Variants in CUBN observed in about 807,000 individuals in gnomAD.
The protein encoded by CUBN is cubilin.
In CUBN, 282 loss-of-function variants were observed where a neutral mutation model predicts 405.3. The observed-to-expected ratio is 0.70, with a 90% CI of 0.63 to 0.77. The LOEUF is 0.77. Ranked by LOEUF, CUBN falls within the 30% of genes least tolerant of loss-of-function variation. The pLI is 0.00. For missense variants in CUBN, 4,514 were observed against 4,475.2 expected, an observed-to-expected ratio of 1.01 and a Z score of -0.25; for synonymous variants, 1,684 against 1,617.0, an observed-to-expected ratio of 1.04 and a Z score of -0.99.
intron 31 of CUBN, among the ~76,000 whole-genome samples, chr10:16,955,582 G>C (rs7919493): frequency 2.0e-5 from 3 of 151,696 alleles, no homozygotes; most frequent in African/African-American, 7.3e-5. Flanking sequence ...CTCAGTGTCT[G>C]GATGAATTTT....
intron 39 of CUBN, among the ~76,000 whole-genome samples, chr10:16,934,039 G>A (rs1199800719): frequency 6.6e-6 from 1 of 152,162 alleles, no homozygotes; most frequent in Non-Finnish European, 1.5e-5. Context: ...CAATGCTGAG[G>A]AGATGCGCTG....
intron 60 of CUBN, among the ~76,000 whole-genome samples, chr10:16,849,436 T>A (rs1010504643): frequency 1.3e-5 from 2 of 152,154 alleles, no homozygotes; most frequent in African/African-American, 4.8e-5. Context: ...CTGTGTCCTC[T>A]CTATTCGTGG....
In CUBN at chr10:17,060,645, G is replaced by A. The variant is rs558984697; in HGVS notation, c.3139+4863C>T. On this transcript the variant is annotated intron_variant, in intron 22 of 66. Coordinates refer to ENST00000377833, the MANE Select transcript of CUBN (RefSeq NM_001081.4). ...AAAGTAAATCTTTAAAAGACGAATC[G>A]ACTTACTACAACACCTTTTCCAGAG... Among the ~76,000 whole-genome samples, 6 of 152,264 alleles carry A rather than the reference G, an allele frequency of 3.9e-5. No homozygotes were observed. The South Asian group carries it at 1.0e-3, about 26-fold the overall frequency.
chr10:16,904,152 C>G (rs1306967072), intron 50 of CUBN, 37 bp from the exon 51 acceptor site: 1 of 1,599,982 alleles, frequency 6.3e-7, no homozygotes, highest in Non-Finnish European at 8.6e-7. Flanking sequence ...ATCATTGATA[C>G]AGCTTTTGAG....
At chr10:16,832,871 T>A (rs1282972118) in intron 64 of CUBN, among the ~76,000 whole-genome samples, 1 of 152,174 alleles carries the variant, frequency 6.6e-6, no homozygotes. Flanking sequence ...AAGAACGGAA[T>A]GCTGAGGCTT....
intron 59 of CUBN, among the ~76,000 whole-genome samples, chr10:16,855,802 A>T (rs1839853883): frequency 6.6e-6 from 1 of 152,214 alleles, no homozygotes; most frequent in South Asian, 2.1e-4. Context: ...ATCATGAGAT[A>T]ATCCTGGCCA....
At chr10:16,913,104 C>G (rs1347006920) in intron 48 of CUBN, among the ~76,000 whole-genome samples, 1 of 151,970 alleles carries the variant, frequency 6.6e-6, no homozygotes, top group East Asian at 1.9e-4. Flanking sequence ...AGGAAGGATT[C>G]CAAAATAGAC....
In CUBN at chr10:16,984,233, C is replaced by G. The variant is rs149220088; in HGVS notation, c.4397G>C (p.Cys1466Ser). Residue 1466 changes from cysteine to serine, a missense_variant, in exon 30 of 67, where the codon TGT (cysteine) becomes TCT (serine). Transcript: ENST00000377833. ...DFHSPRIAQL[C>S]TQRSPENPMQ... Reference sequence around the variant, plus strand: ...GGGGTTCTCAGGTGATCTCTGGGTACACAGTTGGGCTATTCTGGGAGAGTG... The same window carrying G: ...GGGGTTCTCAGGTGATCTCTGGGTAGACAGTTGGGCTATTCTGGGAGAGTG... 4 of 1,614,138 alleles carry G rather than the reference C, an allele frequency of 2.5e-6. No individual in the cohort carries two copies. The highest frequency in any genetic ancestry group is 3.4e-6 in the Non-Finnish European group (4 of 1,180,014).
At chr10:16,874,919 G>A (rs1484008296) in intron 57 of CUBN, among the ~76,000 whole-genome samples, 2 of 152,084 alleles carry the variant, frequency 1.3e-5, no homozygotes, top group Non-Finnish European at 2.9e-5. Flanking sequence ...GGAAGGTTGT[G>A]ATCTGGAAAT....
chr10:16,990,628 G>C lies in CUBN; in HGVS notation c.4169-113C>G, dbSNP rs139822165. 1,182 of 818,110 alleles carry C rather than the reference G, an allele frequency of 1.4e-3. 7 individuals are homozygous for C. The highest frequency in any genetic ancestry group is 0.013 in the East Asian group (515 of 38,162). The allele number at this position is 818,110 out of a possible 1,614,324, so 50.7% of individuals were successfully genotyped here. A position where few individuals can be genotyped will look rare whatever the true frequency, so the allele number is the denominator to read the frequency against. The stretch of plus-strand genomic sequence containing the variant: ...AAAATATACAATGCTTAATTTAGGA[G>C]AAAACCGTTAAGTTACAATAAAGTT... On this transcript the variant is annotated intron_variant, in intron 28 of 66. Transcript: ENST00000377833.
At chr10:16,965,830 T>G (rs1843377060) in intron 31 of CUBN, 2 of 357,372 alleles carry the variant, frequency 5.6e-6, no homozygotes, top group Non-Finnish European at 1.1e-5. Context: ...TTAAATACAT[T>G]TGTTTACATT....
chr10:17,014,891 G>C (rs757122772), intron 28 of CUBN, among the ~76,000 whole-genome samples: 1 of 152,196 alleles, frequency 6.6e-6, no homozygotes, highest in African/African-American at 2.4e-5. Context: ...GAGAAACTGG[G>C]AGTCAGAGTG....
intron 66 of CUBN, among the ~76,000 whole-genome samples, chr10:16,826,115 C>T (rs1838774060): frequency 6.6e-6 from 1 of 152,090 alleles, no homozygotes; most frequent in African/African-American, 2.4e-5. Context: ...TTTGCTAGAT[C>T]TTCATTTTCT....
chr10:17,109,568 G>A (rs1836719173), intron 10 of CUBN, 72 bp downstream of exon 10: 3 of 1,220,686 alleles, frequency 2.5e-6, no homozygotes, highest in Non-Finnish European at 3.6e-6. Context: ...AGGATTTTGT[G>A]TTTAAGATGT....
At chr10:16,985,764 C>A (rs748023034) in intron 29 of CUBN, among the ~76,000 whole-genome samples, 1 of 152,246 alleles carries the variant, frequency 6.6e-6, no homozygotes, top group African/African-American at 2.4e-5. Flanking sequence ...ACAGGTCCTG[C>A]GACGGGGTGG....
chr10:17,061,949 G>A (rs758315585), intron 22 of CUBN, among the ~76,000 whole-genome samples: 1 of 152,062 alleles, frequency 6.6e-6, no homozygotes, highest in Non-Finnish European at 1.5e-5. Context: ...ATTCTTGGGA[G>A]GATAAATTCA....
chr10:17,033,424 T>C (rs749619401), intron 27 of CUBN, among the ~76,000 whole-genome samples: 18 of 152,244 alleles, frequency 1.2e-4, no homozygotes, highest in Non-Finnish European at 2.5e-4. Flanking sequence ...TCCTCCATCA[T>C]GACAAGGAAA....
In CUBN at chr10:17,040,795, A is replaced by G. The variant is rs1234263282; in HGVS notation, c.4017+238T>C. On this transcript the variant is annotated intron_variant, in intron 27 of 66. Coordinates refer to ENST00000377833, the MANE Select transcript of CUBN (RefSeq NM_001081.4). ...TCTCCTTCCATGTAAGTTAAGTAAT[A>G]TGAGGTCAATGAGTCCAGAAGTTAC... Among the ~76,000 whole-genome samples, 3 of 152,200 alleles carry G rather than the reference A, an allele frequency of 2.0e-5. No individual in the cohort carries two copies. The East Asian group carries it at 5.8e-4, about 29-fold the overall frequency.
chr10:16,877,874 T>C (rs1840557480), intron 56 of CUBN, among the ~76,000 whole-genome samples: 1 of 152,220 alleles, frequency 6.6e-6, no homozygotes, highest in Admixed American at 6.5e-5. Flanking sequence ...TGTTAAAATA[T>C]TAACTTGGAT....
Sources: allele counts gnomAD v4.1 joint callset (sites outside exome capture counted in the v4.1 genomes callset), GRCh38; gene constraint gnomAD v4.1.1; transcripts MANE v1.5; gene names NCBI Gene and HGNC (gene_info 2026-07-23, HGNC 2026-07-21).